TUSC3: variants seen among roughly 807,000 people sequenced by gnomAD.
TUSC3 encodes the protein tumor suppressor candidate 3, also known as dolichyl-diphosphooligosaccharide--protein glycosyltransferase subunit TUSC3.
Under a neutral mutation model 44.8 loss-of-function variants are expected in TUSC3, and 45 were observed. The observed-to-expected ratio is 1.00, with a 90% CI of 0.79 to 1.29. TUSC3 has a LOEUF of 1.29. Among genes scored for constraint, TUSC3 ranks in the 50% most tolerant of loss-of-function variants. The probability of loss-of-function intolerance (pLI) is 0.00; values close to 1 mark genes in which losing one functional copy is unlikely to be tolerated. For synonymous variants in TUSC3, 212 were observed against 152.9 expected, an observed-to-expected ratio of 1.39 and a Z score of -2.85; for missense variants, 519 against 437.9, an observed-to-expected ratio of 1.19 and a Z score of -1.65.
intron 1 of TUSC3, among the ~76,000 whole-genome samples, chr8:15,600,456 C>G (rs1034567574): frequency 1.3e-5 from 2 of 151,628 alleles, no homozygotes; most frequent in African/African-American, 2.4e-5. Flanking sequence ...GGTAGTGATT[C>G]TTAGTTTATT....
intron 2 of TUSC3, among the ~76,000 whole-genome samples, chr8:15,637,278 A>C (rs1439492184): frequency 6.6e-6 from 1 of 152,030 alleles, no homozygotes; most frequent in African/African-American, 2.4e-5. Flanking sequence ...TTTTAATCCT[A>C]TTCTTAATGT....
intron 2 of TUSC3, among the ~76,000 whole-genome samples, chr8:15,520,822 G>A (rs185298138): frequency 1.3e-5 from 2 of 152,292 alleles, no homozygotes; most frequent in East Asian, 3.9e-4. Context: ...AGTTCAAGGG[G>A]ATGCAGAAAT....
chr8:15,761,572 A>C (rs1390777280), intron 10 of TUSC3, among the ~76,000 whole-genome samples: 1 of 152,212 alleles, frequency 6.6e-6, no homozygotes, highest in Non-Finnish European at 1.5e-5. Flanking sequence ...AGAATACGCG[A>C]ATAAGCCAGT....
At chr8:15,564,380 A>G (rs1242996346) in intron 1 of TUSC3, among the ~76,000 whole-genome samples, 2 of 152,190 alleles carry the variant, frequency 1.3e-5, no homozygotes, top group South Asian at 2.1e-4. Context: ...CCAGCTGTCA[A>G]CAGAGTAGTA....
At chr8:15,439,848 A>C (rs1799997988) in intron 1 of TUSC3, among the ~76,000 whole-genome samples, 1 of 152,206 alleles carries the variant, frequency 6.6e-6, no homozygotes, top group Non-Finnish European at 1.5e-5. Flanking sequence ...CTCCAAGTAC[A>C]TTCAGTCTCT....
chr8:15,771,884 C>T, the TUSC3 span, among the ~76,000 whole-genome samples: 2 of 151,902 alleles, frequency 1.3e-5, no homozygotes, highest in African/African-American at 2.4e-5. Context: ...GTCAGGAGGT[C>T]GAGACCATCC....
chr8:15,600,003 A>G (rs547893326), intron 1 of TUSC3, among the ~76,000 whole-genome samples: 1 of 151,852 alleles, frequency 6.6e-6, no homozygotes, highest in Admixed American at 6.6e-5. Flanking sequence ...CCATCTGCAA[A>G]CAAAGACAGT....
At chr8:15,618,776 G>C (rs1457099337) in intron 1 of TUSC3, among the ~76,000 whole-genome samples, 1 of 152,202 alleles carries the variant, frequency 6.6e-6, no homozygotes, top group Non-Finnish European at 1.5e-5. Context: ...GTTTTCATAT[G>C]TCTGGCAGCC....
At chr8:15,477,450 A>G (rs1027838277) in intron 1 of TUSC3, among the ~76,000 whole-genome samples, 7 of 152,164 alleles carry the variant, frequency 4.6e-5, no homozygotes, top group African/African-American at 1.7e-4. Flanking sequence ...ATATAATTAT[A>G]GTGTGCTCAC....
intron 2 of TUSC3, among the ~76,000 whole-genome samples, chr8:15,529,144 C>T (rs964715768): frequency 5.9e-5 from 9 of 152,034 alleles, no homozygotes; most frequent in South Asian, 2.1e-4. Context: ...TTTAAATATC[C>T]GAAGCACAAA....
chr8:15,419,822 C>T (rs1799716120), intron 1 of TUSC3, among the ~76,000 whole-genome samples: 1 of 152,096 alleles, frequency 6.6e-6, no homozygotes, highest in African/African-American at 2.4e-5. Context: ...ATGGTAAGAA[C>T]AGTGGGGGTA....
intron 6 of TUSC3, among the ~76,000 whole-genome samples, chr8:15,727,546 C>T (rs928723267): frequency 2.7e-4 from 41 of 152,106 alleles, no homozygotes; most frequent in African/African-American, 9.2e-4. Context: ...CCTGAAGGCT[C>T]GTAGGGTATC....
At chr8:15,790,446 G>A in the TUSC3 span, among the ~76,000 whole-genome samples, 2 of 152,078 alleles carry the variant, frequency 1.3e-5, no homozygotes, top group African/African-American at 4.8e-5. Context: ...GCCTCCCAAA[G>A]TGCTGGGATT....
chr8:15,571,292 A>T (rs979418259), intron 1 of TUSC3, among the ~76,000 whole-genome samples: 2 of 152,020 alleles, frequency 1.3e-5, no homozygotes, highest in Admixed American at 1.3e-4. Flanking sequence ...TTATACTTTC[A>T]ATTGAATACA....
intron 6 of TUSC3, among the ~76,000 whole-genome samples, chr8:15,699,347 C>G (rs929171236): frequency 1.3e-5 from 2 of 152,126 alleles, no homozygotes; most frequent in African/African-American, 4.8e-5. Flanking sequence ...CACCATAGTT[C>G]TCAAAACTTG....
chr8:15,452,639 C>T (rs987621083), intron 1 of TUSC3, among the ~76,000 whole-genome samples: 1 of 152,148 alleles, frequency 6.6e-6, no homozygotes, highest in African/African-American at 2.4e-5. Flanking sequence ...GCTTTGTAGT[C>T]CAGGACACGT....
At chr8:15,501,596 G>C (rs1800966003) in intron 2 of TUSC3, among the ~76,000 whole-genome samples, 1 of 152,160 alleles carries the variant, frequency 6.6e-6, no homozygotes, top group East Asian at 1.9e-4. Context: ...TGGGAAAGAA[G>C]AAGCTACAAT....
intron 7 of TUSC3, among the ~76,000 whole-genome samples, chr8:15,735,518 G>C (rs1810890747): frequency 1.3e-5 from 2 of 152,124 alleles, no homozygotes; most frequent in South Asian, 4.1e-4. Flanking sequence ...CAGTTGAAGA[G>C]TCAAGAACTT....
At chr8:15,481,163 G>A (rs1800654835) in intron 1 of TUSC3, among the ~76,000 whole-genome samples, 1 of 149,994 alleles carries the variant, frequency 6.7e-6, no homozygotes, top group Admixed American at 6.8e-5. Flanking sequence ...CAGGAGAACT[G>A]CTTGAACCTG....
Sources: allele counts gnomAD v4.1 joint callset (sites outside exome capture counted in the v4.1 genomes callset), GRCh38; gene constraint gnomAD v4.1.1; transcripts MANE v1.5; gene names NCBI Gene and HGNC (gene_info 2026-07-23, HGNC 2026-07-21).